GREB1: variants seen among roughly 807,000 people sequenced by gnomAD.
The protein encoded by GREB1 is growth regulating estrogen receptor binding 1.
A neutral mutation model predicts 200.7 loss-of-function variants in GREB1; 106 were observed. That is an observed-to-expected ratio of 0.53 (90% CI 0.45 to 0.62). The LOEUF (loss-of-function observed/expected upper bound fraction) is 0.62, where lower values mean the gene tolerates loss of function less well. GREB1 is among the 20% of genes least tolerant of loss of function. GREB1 has a pLI of 0.00. For missense variants in GREB1, 2,243 were observed against 2,556.8 expected (o/e 0.88, Z 2.65); for synonymous variants, 1,132 against 1,092.4 (o/e 1.04, Z -0.72).
intron 1 of GREB1, among the ~76,000 whole-genome samples, chr2:11,516,106 T>C (rs1572575261): frequency 6.6e-6 from 1 of 152,110 alleles, no homozygotes. Flanking sequence ...TAGGAAGAAG[T>C]GCTGTCTGTC....
Position 11,597,681 on chromosome 2 carries a change from G to A in GREB1, c.1955-100G>A. 1.0e-6 allele frequency: 1 copy of A among 991,556 alleles called. No individual in the cohort carries two copies. The highest frequency in any genetic ancestry group is 1.3e-5 in the South Asian group (1 of 75,328). 61.4% of individuals were successfully genotyped at this position (991,556 alleles called of 1,614,324 possible). ...TTTCCCTCATCGCTTTGTGAATGGG[G>A]CCGTCTCCCCTGGACAGGTCTCACT... On this transcript the variant is annotated intron_variant, in intron 13 of 32. Transcript: ENST00000381486. The surrounding 1 kb of genome is among the most constrained non-coding windows in gnomAD (Gnocchi z 4.1).
chr2:11,558,213 A>C (rs1331904176), intron 2 of GREB1, among the ~76,000 whole-genome samples: 1 of 152,254 alleles, frequency 6.6e-6, no homozygotes, highest in African/African-American at 2.4e-5. Flanking sequence ...AAAAGGGGAC[A>C]GACAAGGGCT....
At chr2:11,526,046 T>C (rs1243045938) in intron 1 of GREB1, among the ~76,000 whole-genome samples, 1 of 152,202 alleles carries the variant, frequency 6.6e-6, no homozygotes, top group African/African-American at 2.4e-5. Flanking sequence ...GAGGGTTTCA[T>C]CAAAGGCTTT....
At chr2:11,494,390 A>G (rs766408306) in intron 1 of GREB1, among the ~76,000 whole-genome samples, 3 of 152,274 alleles carry the variant, frequency 2.0e-5, no homozygotes, top group Non-Finnish European at 4.4e-5. Context: ...TTGGGTCCCC[A>G]GACCCTCTGA....
chr2:11,525,283 T>G (rs1299388461), intron 1 of GREB1, among the ~76,000 whole-genome samples: 1 of 152,022 alleles, frequency 6.6e-6, no homozygotes, highest in Non-Finnish European at 1.5e-5. Context: ...AGGGGGTGGA[T>G]CACTTGAGGT....
At chr2:11,539,795 A>ATTTTTTTTTTTTTTTTTTTTT (rs66629142) in intron 1 of GREB1, 1 of 121,280 alleles carries the variant, frequency 8.2e-6, no homozygotes, top group Non-Finnish European at 1.7e-5. Flanking sequence ...CTACTGCTGA[A>ATTTTTTTTTTTTTTTTTTTTT]TTTTTTTTTT....
chr2:11,502,026 C>T (rs1304515210), intron 1 of GREB1, among the ~76,000 whole-genome samples: 1 of 147,188 alleles, frequency 6.8e-6, no homozygotes, highest in Non-Finnish European at 1.5e-5. Context: ...AAGCGGTTCT[C>T]CTGCCTCAGC....
At chr2:11,612,998 A>G (rs1244394359) in intron 19 of GREB1, among the ~76,000 whole-genome samples, 1 of 152,154 alleles carries the variant, frequency 6.6e-6, no homozygotes, top group African/African-American at 2.4e-5. Flanking sequence ...TTGCAGCCAC[A>G]GTTCCTGCTG....
intron 4 of GREB1, among the ~76,000 whole-genome samples, chr2:11,572,763 C>T (rs1412019234): frequency 6.6e-6 from 1 of 151,660 alleles, no homozygotes; most frequent in Non-Finnish European, 1.5e-5. Flanking sequence ...GGCACTTAAC[C>T]CGCATAGTGC....
chr2:11,483,687 G>GTGTGTGTGTGTGTGT (rs1672573952), intron 1 of GREB1, among the ~76,000 whole-genome samples: 5 of 132,306 alleles, frequency 3.8e-5, no homozygotes, highest in African/African-American at 1.4e-4. Flanking sequence ...TACAAGAAGG[G>GTGTGTGTGTGTGTGT]GTGTGTGTGT....
intron 29 of GREB1, among the ~76,000 whole-genome samples, chr2:11,634,746 C>G (rs1409658824): frequency 2.0e-5 from 3 of 152,178 alleles, no homozygotes; most frequent in African/African-American, 7.2e-5. Flanking sequence ...CTCCACTGGG[C>G]AGTGGACCAC....
intron 1 of GREB1, among the ~76,000 whole-genome samples, chr2:11,499,828 A>G (rs1296204622): frequency 2.0e-5 from 3 of 152,222 alleles, no homozygotes; most frequent in Non-Finnish European, 4.4e-5. Context: ...TAGGTCTGCT[A>G]GGAACCTGTA....
chr2:11,557,240 A>G lies in GREB1; in HGVS notation c.157+469A>G, dbSNP rs146638317. 5.3e-5 allele frequency among the ~76,000 whole-genome samples: 8 copies of G among 152,354 alleles called. No individual in the cohort carries two copies. The East Asian group carries it at 1.5e-3, about 29-fold the overall frequency. On this transcript the variant is annotated intron_variant, in intron 2 of 32. Coordinates refer to ENST00000381486, the MANE Select transcript of GREB1 (RefSeq NM_014668.4). Reference sequence around the variant, plus strand: ...ATTTAATATATGCCAAGAATAAACAACTAAATTCTCTTCGGGCATAGGGAT... The same window carrying G: ...ATTTAATATATGCCAAGAATAAACAGCTAAATTCTCTTCGGGCATAGGGAT...
intron 14 of GREB1, 55 bp downstream of exon 14, chr2:11,598,033 T>C: frequency 1.6e-6 from 2 of 1,284,994 alleles, no homozygotes; most frequent in Non-Finnish European, 2.3e-6. Context: ...TCTGCCGAAA[T>C]CCATGTGTGG....
chr2:11,584,017 C>T (rs951461887), intron 7 of GREB1, among the ~76,000 whole-genome samples: 1 of 152,086 alleles, frequency 6.6e-6, no homozygotes. Context: ...CCTGGAGAAC[C>T]GTTGCTCTGA....
chr2:11,596,663 G>GAGATC, intron 13 of GREB1, among the ~76,000 whole-genome samples: 1 of 116,262 alleles, frequency 8.6e-6, no homozygotes, highest in Non-Finnish European at 1.8e-5. Flanking sequence ...GAGAGTAGGT[G>GAGATC]GGGGCACAGG....
intron 17 of GREB1, among the ~76,000 whole-genome samples, chr2:11,607,191 C>A (rs1000094418): frequency 1.3e-4 from 20 of 151,858 alleles, no homozygotes; most frequent in African/African-American, 4.6e-4. Flanking sequence ...TCAAGCCATC[C>A]CCCCATCTCA....
chr2:11,601,677 G>C (rs1681795204), intron 16 of GREB1, among the ~76,000 whole-genome samples: 1 of 152,246 alleles, frequency 6.6e-6, no homozygotes, highest in Non-Finnish European at 1.5e-5. Context: ...GGTGGGGATA[G>C]CCATTGTTCA....
chr2:11,493,861 G>C lies in GREB1; in HGVS notation c.-159+11480G>C, dbSNP rs558926368. On this transcript the variant is annotated intron_variant, in intron 1 of 2. Transcript: ENST00000628795. This position sits in a 1 kb window ranked among gnomAD's most constrained non-coding sequence, Gnocchi z 4.6. ...AACTCCAGAGATGTAAGGTATTGCT[G>C]TTATCCTTACAAATGGCTACAGACA... is the stretch of plus-strand genomic sequence containing the variant. Among the ~76,000 whole-genome samples the C allele has an allele frequency of 6.6e-6, 1 of 152,276 alleles. No individual in the cohort carries two copies. Among genetic ancestry groups the C allele is most frequent in the African/African-American group, 2.4e-5 (1 of 41,544 alleles).
Sources: allele counts gnomAD v4.1 joint callset (sites outside exome capture counted in the v4.1 genomes callset), GRCh38; gene constraint gnomAD v4.1.1; non-coding constraint Gnocchi (gnomAD v3.1); transcripts MANE v1.5; gene names NCBI Gene and HGNC (gene_info 2026-07-23, HGNC 2026-07-21).